Variants in THSD7B observed in about 807,000 individuals in gnomAD.
THSD7B encodes thrombospondin type-1 domain-containing protein 7B.
A neutral mutation model predicts 213.6 loss-of-function variants in THSD7B; 138 were observed. That is an observed-to-expected ratio of 0.65 (90% CI 0.56 to 0.74). The LOEUF is 0.74. Among genes scored for constraint, THSD7B ranks in the 30% least tolerant of loss-of-function variants. The pLI is 0.00. For synonymous variants in THSD7B, 742 were observed against 687.0 expected (o/e 1.08, Z -1.25); for missense variants, 1,931 against 1,991.5 (o/e 0.97, Z 0.58).
At chr2:137,519,945 G>A (rs1337480852) in intron 15 of THSD7B, among the ~76,000 whole-genome samples, 3 of 152,188 alleles carry the variant, frequency 2.0e-5, no homozygotes, top group Non-Finnish European at 4.4e-5. Context: ...TTCAGTACCT[G>A]TTACTATTTC....
At chr2:136,863,671 T>C (rs150556076) in intron 1 of THSD7B, among the ~76,000 whole-genome samples, 177 of 152,296 alleles carry the variant, frequency 1.2e-3, no homozygotes, top group African/African-American at 3.6e-3. Flanking sequence ...GCAATGTATT[T>C]TGGTTGGCTT....
intron 7 of THSD7B, among the ~76,000 whole-genome samples, chr2:137,206,403 C>A (rs1680984526): frequency 6.6e-6 from 1 of 151,950 alleles, no homozygotes; most frequent in Non-Finnish European, 1.5e-5. Context: ...GTTTAAAGTC[C>A]CAAATACACA....
In THSD7B at chr2:137,663,530, A is replaced by G. The variant is rs1683392328; in HGVS notation, c.4606A>G (p.Ile1536Val). Reference sequence around the variant, plus strand: ...GAAAAACAGACCTGTGAATTCAAAAATACATGATATTTTTAAAGGATGGTC... The same window carrying G: ...GAAAAACAGACCTGTGAATTCAAAAGTACATGATATTTTTAAAGGATGGTC... ...SGKNRPVNSKIHDIFKGWSLQ... is the reference protein window; with the variant it reads ...SGKNRPVNSKVHDIFKGWSLQ... Residue 1536 changes from isoleucine (I) to valine (V), a missense_variant, in exon 26 of 28, where the codon ATA becomes GTA. By Grantham distance (29) the Ile-to-Val change is conservative. Transcript: ENST00000409968. 1 of 1,609,308 alleles carries G rather than the reference A, an allele frequency of 6.2e-7. No individual in the cohort carries two copies. The highest frequency in any genetic ancestry group is 1.3e-5 in the African/African-American group (1 of 74,996).
At chr2:137,675,774 T>C (rs987803259) in intron 27 of THSD7B, among the ~76,000 whole-genome samples, 1 of 151,884 alleles carries the variant, frequency 6.6e-6, no homozygotes, top group African/African-American at 2.4e-5. Flanking sequence ...GCAAAGACCT[T>C]GAGGAGAGAG....
rs1688409383 is a variant in THSD7B, at chr2:137,114,480, AGGGAGACATATTTC to A, written c.1200-643_1200-630del. Reference sequence around the variant, plus strand: ...TTTGAGTATTAACCAGTTATAAACTAGGGAGACATATTTCTATATCAGTTTATATAACAGTATGG... The same window carrying A: ...TTTGAGTATTAACCAGTTATAAACTATATATCAGTTTATATAACAGTATGG... On this transcript the variant is annotated intron_variant, in intron 4 of 27. Transcript: ENST00000409968. Among the ~76,000 whole-genome samples the A allele has an allele frequency of 5.9e-5, 9 of 152,340 alleles. No homozygotes were observed. In the South Asian group the frequency reaches 1.9e-3, roughly 32 times the overall value.
At chr2:137,070,817 G>GT (rs1313535122) in intron 3 of THSD7B, among the ~76,000 whole-genome samples, 5 of 151,950 alleles carry the variant, frequency 3.3e-5, no homozygotes, top group Admixed American at 6.6e-5. Context: ...GCGGTGTTTG[G>GT]TTTTTTGTCC....
At chr2:137,129,359 T>G (rs1688685969) in intron 5 of THSD7B, among the ~76,000 whole-genome samples, 1 of 152,166 alleles carries the variant, frequency 6.6e-6, no homozygotes, top group East Asian at 1.9e-4. Flanking sequence ...ATGTTATTTG[T>G]TCTTTTTATG....
At chr2:136,890,327 T>TCTCCTTCTCCTTCTC (rs1683799359) in intron 2 of THSD7B, among the ~76,000 whole-genome samples, 1 of 12,974 alleles carries the variant, frequency 7.7e-5, no homozygotes, top group African/African-American at 2.9e-4. Context: ...TTCTTCTTCT[T>TCTCCTTCTCCTTCTC]CTTCTTCTTC....
intron 7 of THSD7B, among the ~76,000 whole-genome samples, chr2:137,174,098 A>G (rs1257594031): frequency 6.6e-6 from 1 of 152,190 alleles, no homozygotes; most frequent in African/African-American, 2.4e-5. Flanking sequence ...AACCACTTAC[A>G]TTAGATCTAC....
intron 2 of THSD7B, among the ~76,000 whole-genome samples, chr2:136,964,629 A>G (rs1467980717): frequency 6.6e-6 from 1 of 152,130 alleles, no homozygotes; most frequent in Non-Finnish European, 1.5e-5. Context: ...CAAATATTCT[A>G]TAACATCTTC....
intron 12 of THSD7B, among the ~76,000 whole-genome samples, chr2:137,389,823 G>A (rs980046525): frequency 1.3e-5 from 2 of 151,808 alleles, no homozygotes; most frequent in Non-Finnish European, 2.9e-5. Flanking sequence ...TATTAAAAAG[G>A]GTTTCTTTTC....
In THSD7B at chr2:137,057,000, A is replaced by G. The variant is rs779646647; in HGVS notation, c.720A>G (p.Thr240=). ...ISCPLGEEEY[T]FSLKVGPWSK... The stretch of plus-strand genomic sequence containing the variant: ...GTCCTCTTGGGGAAGAGGAATATAC[A>G]TTTAGCCTTAAGGTTGGACCATGGA... The change falls in exon 3 of 28, where the codon ACA becomes ACG. Residue 240 remains threonine, a synonymous_variant. Coordinates refer to ENST00000409968, the MANE Select transcript of THSD7B (RefSeq NM_001316349.2). 6.2e-7 allele frequency: 1 copy of G among 1,613,814 alleles called. No homozygotes were observed. Among genetic ancestry groups the G allele is most frequent in the Non-Finnish European group, 8.5e-7 (1 of 1,179,890 alleles).
At chr2:136,859,277 C>T (rs13401338) in intron 1 of THSD7B, among the ~76,000 whole-genome samples, 2 of 152,026 alleles carry the variant, frequency 1.3e-5, no homozygotes, top group Non-Finnish European at 2.9e-5. Context: ...AAGGAACAAA[C>T]ATTACCAATT....
intron 5 of THSD7B, among the ~76,000 whole-genome samples, chr2:137,116,966 T>A (rs1048413744): frequency 6.6e-6 from 1 of 152,164 alleles, no homozygotes; most frequent in African/African-American, 2.4e-5. Flanking sequence ...CTTAGAAAGC[T>A]GTAAGTCTGA....
At chr2:136,819,714 T>G (rs1682539797) in intron 1 of THSD7B, among the ~76,000 whole-genome samples, 1 of 152,160 alleles carries the variant, frequency 6.6e-6, no homozygotes, top group African/African-American at 2.4e-5. Flanking sequence ...GAGGCTGAAC[T>G]GAGCTCTGCT....
At chr2:137,582,470 C>T (rs565607197) in intron 17 of THSD7B, among the ~76,000 whole-genome samples, 18 of 151,334 alleles carry the variant, frequency 1.2e-4, no homozygotes, top group African/African-American at 4.1e-4. Flanking sequence ...GGTATATCTC[C>T]TAATACTATC....
chr2:137,053,597 A>G (rs1005273569), intron 2 of THSD7B, among the ~76,000 whole-genome samples: 2 of 152,106 alleles, frequency 1.3e-5, no homozygotes, highest in African/African-American at 2.4e-5. Context: ...AGAGAATGTC[A>G]TAGTCAAATG....
intron 2 of THSD7B, among the ~76,000 whole-genome samples, chr2:136,998,959 C>CACACACACACACACACACACACACA (rs1558882062): frequency 6.8e-6 from 1 of 146,430 alleles, no homozygotes; most frequent in African/African-American, 2.5e-5. Flanking sequence ...CACACACACA[C>CACACACACACACACACACACACACA]CCCTGCTTTC....
chr2:137,038,817 A>G (rs375697843), intron 2 of THSD7B, among the ~76,000 whole-genome samples: 28 of 152,338 alleles, frequency 1.8e-4, no homozygotes, highest in South Asian at 1.0e-3. Flanking sequence ...AAGTTGGCAC[A>G]TTCCAGTTTG....
Sources: gnomAD v4.1 joint callset for allele counts (sites outside exome capture counted in the v4.1 genomes callset) on GRCh38, gnomAD v4.1.1 for gene constraint, MANE v1.5 for transcripts, NCBI Gene and HGNC (gene_info 2026-07-23, HGNC 2026-07-21) for gene names.